Variants in KDM4C observed in about 807,000 individuals in gnomAD.
KDM4C encodes the protein lysine-specific demethylase 4C.
KDM4C carries 81 observed loss-of-function variants against 129.3 expected under a neutral mutation model. The observed-to-expected ratio is 0.63, with a 90% CI of 0.52 to 0.75. The LOEUF is 0.75. Ranked by LOEUF, KDM4C falls within the 30% of genes least tolerant of loss-of-function variation. The pLI is 0.00. For missense variants in KDM4C, 1,457 were observed against 1,304.0 expected (o/e 1.12, Z -1.81); for synonymous variants, 573 against 456.1 (o/e 1.26, Z -3.26).
At chr9:7,041,227 C>T (rs752083234) in intron 15 of KDM4C, among the ~76,000 whole-genome samples, 2 of 151,484 alleles carry the variant, frequency 1.3e-5, no homozygotes, top group African/African-American at 4.8e-5. Context: ...CTAATTGATA[C>T]AGTATAACAA....
chr9:7,055,132 G>T (rs6477141), intron 17 of KDM4C, among the ~76,000 whole-genome samples: 3 of 151,852 alleles, frequency 2.0e-5, no homozygotes, highest in Admixed American at 1.3e-4. Context: ...GAACCGAGAT[G>T]GCGCCACTGC....
intron 4 of KDM4C, among the ~76,000 whole-genome samples, chr9:6,843,186 C>T (rs1387451456): frequency 6.6e-6 from 1 of 152,176 alleles, no homozygotes; most frequent in Non-Finnish European, 1.5e-5. Context: ...ATCTCTGCCT[C>T]CCAAAGTGCT....
At chr9:7,055,067 G>C (rs1830687988) in intron 17 of KDM4C, among the ~76,000 whole-genome samples, 1 of 152,068 alleles carries the variant, frequency 6.6e-6, no homozygotes, top group South Asian at 2.1e-4. Context: ...AGTACCAGCT[G>C]CTCGGGAGCC....
At chr9:7,048,066 C>T (rs567446980) in intron 16 of KDM4C, among the ~76,000 whole-genome samples, 14 of 152,022 alleles carry the variant, frequency 9.2e-5, no homozygotes, top group Non-Finnish European at 1.8e-4. Flanking sequence ...AGATGTTCTT[C>T]CACAGTCCTG....
At chr9:7,025,559 A>G (rs573986246) in intron 15 of KDM4C, among the ~76,000 whole-genome samples, 1 of 152,282 alleles carries the variant, frequency 6.6e-6, no homozygotes, top group Admixed American at 6.5e-5. Context: ...GAGTCTTGCA[A>G]ATATTATCTT....
intron 15 of KDM4C, among the ~76,000 whole-genome samples, chr9:7,025,513 GTATATGT>G (rs1479854105): frequency 1.3e-5 from 2 of 151,742 alleles, no homozygotes; most frequent in African/African-American, 4.8e-5. Context: ...TATTTTTTAG[GTATATGT>G]TATATGGTTT....
chr9:6,814,671 C>T lies in KDM4C; in HGVS notation c.361C>T (p.Arg121Cys), dbSNP rs757577343. The change falls in exon 4 of 22, where the codon CGC becomes TGC. Residue 121 changes from arginine to cysteine, a missense_variant. Coordinates refer to ENST00000381309, the MANE Select transcript of KDM4C (RefSeq NM_015061.6). ...ATACTTGGATTACGAAGATTTGGAG[C>T]GCAAGTACTGGAAGAACTTAACTTT... ...PRYLDYEDLE[R>C]KYWKNLTFVA... 3 of 1,607,872 alleles carry T rather than the reference C, an allele frequency of 1.9e-6. No homozygotes were observed. The highest frequency in any genetic ancestry group is 2.5e-6 in the Non-Finnish European group (3 of 1,177,130).
intron 1 of KDM4C, among the ~76,000 whole-genome samples, chr9:6,731,273 G>C (rs943991794): frequency 6.7e-6 from 1 of 148,742 alleles, no homozygotes; most frequent in African/African-American, 2.5e-5. Flanking sequence ...TTTCCTTAAA[G>C]TCTTCATTTG....
At chr9:7,047,504 G>A (rs1298078464) in intron 16 of KDM4C, among the ~76,000 whole-genome samples, 2 of 151,928 alleles carry the variant, frequency 1.3e-5, no homozygotes, top group African/African-American at 4.8e-5. Flanking sequence ...TTTTATGACT[G>A]TTCTGCATGG....
intron 17 of KDM4C, among the ~76,000 whole-genome samples, chr9:7,056,152 G>A (rs2297963): frequency 0.092 from 13,956 of 152,108 alleles, 798 homozygotes; most frequent in East Asian, 0.18. Context: ...TGCACAAAAA[G>A]TGCTTTGAAT....
intron 4 of KDM4C, among the ~76,000 whole-genome samples, chr9:6,845,380 A>G (rs945975662): frequency 5.9e-5 from 9 of 152,110 alleles, no homozygotes; most frequent in East Asian, 5.8e-4. Context: ...ACACCTGGCT[A>G]ATTTTAAAAT....
At chr9:6,894,461 A>G (rs894583490) in intron 8 of KDM4C, among the ~76,000 whole-genome samples, 5 of 152,228 alleles carry the variant, frequency 3.3e-5, no homozygotes, top group African/African-American at 1.2e-4. Context: ...TAATGCTTGC[A>G]TCTGCCTTGA....
chr9:6,917,222 A>C (rs1472795345), intron 8 of KDM4C, among the ~76,000 whole-genome samples: 1 of 152,080 alleles, frequency 6.6e-6, no homozygotes, highest in Admixed American at 6.5e-5. Context: ...TCTTAATATG[A>C]GCACCATATA....
chr9:6,859,650 C>G (rs560437972), intron 5 of KDM4C, among the ~76,000 whole-genome samples: 1 of 150,594 alleles, frequency 6.6e-6, no homozygotes, highest in South Asian at 2.1e-4. Context: ...ATCGCGAGAT[C>G]CGGAGATCGA....
intron 1 of KDM4C, among the ~76,000 whole-genome samples, chr9:6,766,962 G>T (rs1415915570): frequency 6.7e-6 from 1 of 149,696 alleles, no homozygotes; most frequent in South Asian, 2.1e-4. Flanking sequence ...TTAAATTCCA[G>T]TCCTCAGGAC....
intron 2 of KDM4C, among the ~76,000 whole-genome samples, chr9:6,803,669 T>C (rs1383799484): frequency 4.6e-5 from 7 of 151,172 alleles, no homozygotes; most frequent in Non-Finnish European, 7.4e-5. Flanking sequence ...TCCAGCACTT[T>C]GGGAGGCCAA....
intron 19 of KDM4C, among the ~76,000 whole-genome samples, chr9:7,162,300 G>T (rs1297596042): frequency 6.6e-6 from 1 of 152,224 alleles, no homozygotes; most frequent in Non-Finnish European, 1.5e-5. Flanking sequence ...TGGCATGAAA[G>T]ATTATGAATT....
At chr9:6,976,807 T>C (rs377592866) in intron 8 of KDM4C, among the ~76,000 whole-genome samples, 1 of 70,430 alleles carries the variant, frequency 1.4e-5, no homozygotes, top group African/African-American at 5.3e-5. Context: ...TAGCAATAAA[T>C]ATGTTGTTTG....
intron 20 of KDM4C, among the ~76,000 whole-genome samples, chr9:7,167,913 G>A (rs1844563801): frequency 6.6e-6 from 1 of 152,224 alleles, no homozygotes; most frequent in South Asian, 2.1e-4. Context: ...TGGGCACAGT[G>A]GCTCATGCCT....
Sources: gnomAD v4.1 joint callset for allele counts (sites outside exome capture counted in the v4.1 genomes callset) on GRCh38, gnomAD v4.1.1 for gene constraint, MANE v1.5 for transcripts, NCBI Gene and HGNC (gene_info 2026-07-23, HGNC 2026-07-21) for gene names.